Variants in TEDC2 observed in about 807,000 individuals in gnomAD.
TEDC2 encodes the protein tubulin epsilon and delta complex protein 2.
In TEDC2, 49 loss-of-function variants were observed where a neutral mutation model predicts 48.1. The ratio of observed to expected loss-of-function variants is 1.02; its 90% CI spans 0.81 to 1.29. The LOEUF (loss-of-function observed/expected upper bound fraction) is 1.29, where lower values mean the gene tolerates loss of function less well. Ranked by LOEUF, TEDC2 falls within the 50% of genes most tolerant of loss-of-function variation. TEDC2 has a pLI of 0.00. For missense variants in TEDC2, 631 were observed against 571.4 expected (o/e 1.10, Z -1.06); for synonymous variants, 299 against 247.1 (o/e 1.21, Z -1.97).
At chr16:2,460,228 C>T (rs2065456538) in intron 1 of TEDC2, 55 bp from the exon 2 acceptor site, 27 of 1,463,968 alleles carry the variant, frequency 1.8e-5, no homozygotes, top group Admixed American at 2.6e-5. Flanking sequence ...TAGCCAGGCG[C>T]GGGGCCCGAG....
chr16:2,461,741 C>A lies in TEDC2; in HGVS notation c.606-6C>A, dbSNP rs72768720. ...ATGCTCCTCTGAACACGGGCTTCTC[C>A]GACAGGCACCTGCTGCGGCTGCCTG... On this transcript the variant is annotated splice_region_variant and splice_polypyrimidine_tract_variant and intron_variant, in intron 4 of 9. Transcript: ENST00000361837. The A allele has an allele frequency of 3.1e-6, 5 of 1,613,288 alleles. No individual in the cohort carries two copies. In the Admixed American group the frequency reaches 8.3e-5, roughly 27 times the overall value.
At chr16:2,461,622 C>T in intron 4 of TEDC2, 125 bp from the exon 5 acceptor site, 1 of 1,193,300 alleles carries the variant, frequency 8.4e-7, no homozygotes, top group Non-Finnish European at 1.2e-6. Context: ...GGGGCTCATC[C>T]TTGGTGGGGT....
At chr16:2,461,337 G>A in intron 4 of TEDC2, 113 bp downstream of exon 4, 9 of 1,308,692 alleles carry the variant, frequency 6.9e-6, no homozygotes, top group Non-Finnish European at 8.1e-6. Context: ...CGAGCCCTGT[G>A]GCATACCCCT....
Position 2,461,058 on chromosome 16 carries a change from G to A in TEDC2, c.439G>A (p.Val147Met), listed in dbSNP as rs2065463755. Residue 147 changes from valine to methionine, a missense_variant, in exon 4 of 10, where the codon GTG becomes ATG. Physicochemically the swap from Val to Met is conservative, Grantham distance 21. Transcript: ENST00000361837. ...RPTKGLRQTT[V>M]PAKGHPERRL... The stretch of plus-strand genomic sequence containing the variant: ...CACCAAGGGCCTCCGCCAGACCACG[G>A]TGCCTGCCAAGGGCCACCCTGAGCG... 2 of 1,605,362 alleles carry A rather than the reference G, an allele frequency of 1.2e-6. No individual in the cohort carries two copies. Among genetic ancestry groups the A allele is most frequent in the East Asian group, 2.2e-5 (1 of 44,730 alleles).
At chr16:2,463,976 C>G (rs2065483198) in intron 8 of TEDC2, 63 bp from the exon 9 acceptor site, 3 of 1,539,848 alleles carry the variant, frequency 1.9e-6, no homozygotes, top group Middle Eastern at 2.1e-4. Context: ...GCCAGGCACA[C>G]AGGAAAAGCG....
intron 8 of TEDC2, 122 bp downstream of exon 8, chr16:2,462,854 T>TGGA: frequency 2.2e-6 from 2 of 920,986 alleles, no homozygotes; most frequent in Non-Finnish European, 3.2e-6. Context: ...TGCAAGTTGG[T>TGGA]GGGCCCCTCC....
intron 8 of TEDC2, among the ~76,000 whole-genome samples, chr16:2,463,287 T>C (rs554514688): frequency 5.7e-4 from 81 of 142,234 alleles, no homozygotes; most frequent in Middle Eastern, 4.9e-3. Flanking sequence ...CGCCACTGCA[T>C]TCCAGCCTGG....
chr16:2,463,625 T>C (rs1419275566), intron 8 of TEDC2, among the ~76,000 whole-genome samples: 2 of 137,660 alleles, frequency 1.5e-5, no homozygotes, highest in Non-Finnish European at 1.5e-5. Context: ...AGACTCCGTC[T>C]CCAAAAAAAA....
chr16:2,463,291 AGCCTGGGCGACAGAGTG>A (rs2065479131), intron 8 of TEDC2, among the ~76,000 whole-genome samples: 1 of 151,232 alleles, frequency 6.6e-6, no homozygotes, highest in African/African-American at 2.4e-5. Flanking sequence ...ACTGCATTCC[AGCCTGGGCGACAGAGTG>A]AGATGCCGTC....
chr16:2,461,328 G>A (rs2065465610), intron 4 of TEDC2, 104 bp downstream of exon 4: 13 of 1,346,210 alleles, frequency 9.7e-6, no homozygotes, highest in South Asian at 8.4e-5. Flanking sequence ...GCAGGGCATC[G>A]AGCCCTGTGG....
At position 2,464,699 on chromosome 16, in the gene TEDC2, G is replaced by A. The variant is rs374655700; in HGVS notation, c.*31G>A. 149 of 1,611,548 alleles carry A rather than the reference G, an allele frequency of 9.2e-5. No homozygotes were observed. Among genetic ancestry groups the A allele is most frequent in the Non-Finnish European group, 1.3e-4 (149 of 1,179,600 alleles). On this transcript the variant is annotated 3_prime_UTR_variant, in exon 10 of 10. Coordinates refer to ENST00000361837, the MANE Select transcript of TEDC2 (RefSeq NM_025108.3). ...TCCCATGCTGCCCTCGGCCTGTTCAGATGGGGATTGGGGGTGTCTTCCCTG... is the reference window on the plus strand; with the variant it reads ...TCCCATGCTGCCCTCGGCCTGTTCAAATGGGGATTGGGGGTGTCTTCCCTG...
At position 2,464,509 on chromosome 16, in the gene TEDC2, G is replaced by T. The variant is rs2065487879; in HGVS notation, c.1156-13G>T. On this transcript the variant is annotated splice_polypyrimidine_tract_variant and intron_variant, in intron 9 of 9. Coordinates refer to ENST00000361837, the MANE Select transcript of TEDC2 (RefSeq NM_025108.3). ...GCCCCTGAGACCTTGGCCCTGCCCT[G>T]CCCTGCCCCCAGGTCCTGATGGCTG... 1 of 1,553,694 alleles carries T rather than the reference G, an allele frequency of 6.4e-7. No homozygotes were observed. Among genetic ancestry groups the T allele is most frequent in the African/African-American group, 1.4e-5 (1 of 73,794 alleles).
At chr16:2,461,962 C>T (rs576210575) in intron 5 of TEDC2, among the ~76,000 whole-genome samples, 162 bp downstream of exon 5, 1 of 152,326 alleles carries the variant, frequency 6.6e-6, no homozygotes, top group East Asian at 1.9e-4. Flanking sequence ...GCTTTGTCCC[C>T]TTGTCCTAGT....
rs781756799 is a variant in TEDC2 at position 2,460,623 on chromosome 16, G to A, written c.126G>A (p.Trp42Ter). 2 of 1,612,892 alleles carry A rather than the reference G, an allele frequency of 1.2e-6. No individual in the cohort carries two copies. Among genetic ancestry groups the A allele is most frequent in the Admixed American group, 1.7e-5 (1 of 60,020 alleles). ...GCGACGGCTGCCCGTGTCTTTGCAGGGAACCAACTGGGACCCGGGCTTTGA... is the reference window on the plus strand; with the variant it reads ...GCGACGGCTGCCCGTGTCTTTGCAGAGAACCAACTGGGACCCGGGCTTTGA... ...LRVCRRLLHA[W>*]EPTGTRALKP... is the part of the protein sequence containing the mutation. Residue 42 changes from tryptophan to a stop codon, truncating the protein, a stop_gained and splice_region_variant, in exon 3 of 10, where the codon TGG becomes TGA. Transcript: ENST00000361837. LOFTEE classifies it high-confidence loss of function.
chr16:2,464,440 ATGGGG>A, intron 9 of TEDC2, 77 bp from the exon 10 acceptor site: 1 of 1,432,020 alleles, frequency 7.0e-7, no homozygotes, highest in Non-Finnish European at 9.3e-7. Flanking sequence ...GGGCTGAAGC[ATGGGG>A]GCCTCGAAGC....
chr16:2,464,740 ACC>A lies in TEDC2; in HGVS notation c.*74_*75del, dbSNP rs2065490323. The stretch of plus-strand genomic sequence containing the variant: ...GTCTTCCCTGGCACTGTGCTCGGGG[ACC>A]CAGAGATGCCTGTGCTTCCCTGGGA... On this transcript the variant is annotated 3_prime_UTR_variant, in exon 10 of 10. Transcript: ENST00000361837. 2 of 1,583,076 alleles carry A rather than the reference ACC, an allele frequency of 1.3e-6. No homozygotes were observed. Among genetic ancestry groups the A allele is most frequent in the Non-Finnish European group, 1.7e-6 (2 of 1,163,694 alleles).
intron 4 of TEDC2, 128 bp downstream of exon 4, chr16:2,461,352 C>A: frequency 2.4e-6 from 3 of 1,239,856 alleles, no homozygotes; most frequent in Non-Finnish European, 2.2e-6. Context: ...ACCCCTGAGG[C>A]TCATGCTCAG....
chr16:2,462,115 T>TG lies in TEDC2; in HGVS notation c.660-32dup, dbSNP rs745521765. 1.9e-6 allele frequency: 3 copies of TG among 1,598,750 alleles called. No homozygotes were observed. The East Asian group carries it at 6.7e-5, about 36-fold the overall frequency. On this transcript the variant is annotated intron_variant, in intron 5 of 9. Transcript: ENST00000361837. The stretch of plus-strand genomic sequence containing the variant: ...TGGCTGGAATAACCGTGTCCCTCTG[T>TG]GGTTCCTCTGTGCACCCCACGTGTG...
chr16:2,462,096 G>A, intron 5 of TEDC2, 53 bp from the exon 6 acceptor site: 1 of 1,580,738 alleles, frequency 6.3e-7, no homozygotes, highest in Non-Finnish European at 8.7e-7. Flanking sequence ...TTACTGGCTG[G>A]AATAACCGTG....
Sources: allele counts gnomAD v4.1 joint callset (sites outside exome capture counted in the v4.1 genomes callset), GRCh38; gene constraint gnomAD v4.1.1; transcripts MANE v1.5; gene names NCBI Gene and HGNC (gene_info 2026-07-23, HGNC 2026-07-21).